Variants in IL1F10 observed in about 807,000 individuals in gnomAD.
IL1F10 encodes interleukin 1 family member 10.
IL1F10 carries 13 observed loss-of-function variants against 13.1 expected under a neutral mutation model. The ratio of observed to expected loss-of-function variants is 0.99; its 90% CI spans 0.64 to 1.57. The LOEUF is 1.57. Among genes scored for constraint, IL1F10 ranks in the 40% most tolerant of loss-of-function variants. IL1F10 has a pLI of 0.00. For synonymous variants in IL1F10, 78 were observed against 68.2 expected, an observed-to-expected ratio of 1.14 and a Z score of -0.71; for missense variants, 191 against 184.1, an observed-to-expected ratio of 1.04 and a Z score of -0.22.
chr2:113,074,863 T>C lies in IL1F10; in HGVS notation c.246+13T>C. 1 of 1,610,688 alleles carries C rather than the reference T, an allele frequency of 6.2e-7. No homozygotes were observed. Among genetic ancestry groups the C allele is most frequent in the East Asian group, 2.2e-5 (1 of 44,860 alleles). ...CCTACAGCTGGAGGTGAGAGGCCTC[T>C]CCCCATTCTAGGGGACACTGCAGAC... On this transcript the variant is annotated intron_variant, in intron 4 of 4. Transcript: ENST00000341010.
At chr2:113,068,737 T>G (rs1203731048) in intron 1 of IL1F10, among the ~76,000 whole-genome samples, 1 of 152,192 alleles carries the variant, frequency 6.6e-6, no homozygotes, top group Non-Finnish European at 1.5e-5. Context: ...CCATGCTTCA[T>G]GACTTCAAGA....
At chr2:113,071,010 A>G (rs747656687) in intron 1 of IL1F10, among the ~76,000 whole-genome samples, 3 of 152,214 alleles carry the variant, frequency 2.0e-5, no homozygotes, top group Non-Finnish European at 2.9e-5. Flanking sequence ...TGAACACTTC[A>G]TTTAAAAAAT....
intron 1 of IL1F10, among the ~76,000 whole-genome samples, chr2:113,070,757 C>A (rs541170397): frequency 1.3e-5 from 2 of 152,290 alleles, no homozygotes; most frequent in Non-Finnish European, 2.9e-5. Context: ...CAGTCTCAGG[C>A]CCCACCCCAG....
chr2:113,068,601 A>G (rs1043430574), intron 1 of IL1F10, among the ~76,000 whole-genome samples: 7 of 152,212 alleles, frequency 4.6e-5, no homozygotes, highest in African/African-American at 1.2e-4. Context: ...ATAAATTGGT[A>G]GCAGAGCTAG....
At chr2:113,072,534 A>G in intron 1 of IL1F10, 177 bp from the exon 2 acceptor site, 2 of 545,366 alleles carry the variant, frequency 3.7e-6, no homozygotes, top group Non-Finnish European at 6.5e-6. Flanking sequence ...GGAGAGGCAG[A>G]GCTGCCTGGA....
intron 1 of IL1F10, among the ~76,000 whole-genome samples, chr2:113,070,940 A>T (rs1685824565): frequency 6.6e-6 from 1 of 152,244 alleles, no homozygotes; most frequent in Non-Finnish European, 1.5e-5. Flanking sequence ...AATAGTAATT[A>T]TACAGAGTCC....
Position 113,075,724 on chromosome 2 carries a change from T to G in IL1F10, c.*360T>G, listed in dbSNP as rs1376387320. 6.1e-6 allele frequency: 1 copy of G among 163,660 alleles called. No individual in the cohort carries two copies. The highest frequency in any genetic ancestry group is 1.3e-5 in the Non-Finnish European group (1 of 76,042). The allele number at this position is 163,660 out of a possible 1,614,324, so 10.1% of individuals were successfully genotyped here. A position where few individuals can be genotyped will look rare whatever the true frequency, so the allele number is the denominator to read the frequency against. ...AAGGTGGAAAAGCCAAGGGAACGGA[T>G]TCTCCTCTAGAGTCTCCGGAAGGAA... On this transcript the variant is annotated 3_prime_UTR_variant, in exon 5 of 5. Transcript: ENST00000341010.
chr2:113,074,340 C>G lies in IL1F10; in HGVS notation c.44C>G (p.Ala15Gly), dbSNP rs1260653491. 3 of 1,610,550 alleles carry G rather than the reference C, an allele frequency of 1.9e-6. No homozygotes were observed. The highest frequency in any genetic ancestry group is 1.7e-6 in the Non-Finnish European group (2 of 1,176,936). The change falls in exon 3 of 5, where the codon GCA becomes GGA. Residue 15 changes from alanine to glycine, a missense_variant. Coordinates refer to ENST00000341010, the MANE Select transcript of IL1F10 (RefSeq NM_173161.3). The stretch of plus-strand genomic sequence containing the variant: ...TCATACTGTTTCAGAATTAAATATG[C>G]AGACCAGAAGGCTCTATACACAAGA... ...PMARYYIIKY[A>G]DQKALYTRDG...
chr2:113,074,510 CCAGTGA>C, intron 3 of IL1F10, 96 bp downstream of exon 3: 1 of 1,138,940 alleles, frequency 8.8e-7, no homozygotes, highest in Non-Finnish European at 1.3e-6. Context: ...GCAGCTGCCC[CCAGTGA>C]CAGTGAGAAG....
Position 113,075,361 on chromosome 2 carries a change from G to A in IL1F10, c.456G>A (p.Trp152Ter). 1 of 1,559,892 alleles carries A rather than the reference G, an allele frequency of 6.4e-7. No individual in the cohort carries two copies. The highest frequency in any genetic ancestry group is 8.7e-7 in the Non-Finnish European group (1 of 1,147,744). Residue 152 changes from tryptophan to a stop codon, truncating the protein, a stop_gained, in exon 5 of 5, where the codon TGG becomes TGA. Coordinates refer to ENST00000341010, the MANE Select transcript of IL1F10 (RefSeq NM_173161.3). LOFTEE classifies it high-confidence loss of function. Reference sequence around the variant, plus strand: ...CCAAGTTTTACTTTGAACAGAGCTGGTAGGGAGACAGGAAACTGCGTTTTA... The same window carrying A: ...CCAAGTTTTACTTTGAACAGAGCTGATAGGGAGACAGGAAACTGCGTTTTA... ...ARTKFYFEQS[W>*] is the part of the protein sequence containing the mutation.
At chr2:113,070,906 T>A (rs1344298374) in intron 1 of IL1F10, among the ~76,000 whole-genome samples, 2 of 152,198 alleles carry the variant, frequency 1.3e-5, no homozygotes, top group African/African-American at 4.8e-5. Flanking sequence ...CAAGTCCTAC[T>A]GAATTAGAAC....
At chr2:113,075,064 G>A in intron 4 of IL1F10, 88 bp from the exon 5 acceptor site, 1 of 1,332,196 alleles carries the variant, frequency 7.5e-7, no homozygotes, top group Non-Finnish European at 1.0e-6. Flanking sequence ...GCCCTGTCAG[G>A]TCCTTTTTTG....
Position 113,075,143 on chromosome 2 carries a change from C to T in IL1F10, c.247-9C>T. On this transcript the variant is annotated splice_polypyrimidine_tract_variant and intron_variant, in intron 4 of 4. Coordinates refer to ENST00000341010, the MANE Select transcript of IL1F10 (RefSeq NM_173161.3). ...TCTCATTCTGCAGCCATCCACCTTG[C>T]CCCCACAGGATGTGAACATTGAGGA... The T allele has an allele frequency of 6.3e-7, 1 of 1,591,674 alleles. No homozygotes were observed. The highest frequency in any genetic ancestry group is 8.6e-7 in the Non-Finnish European group (1 of 1,166,250).
At chr2:113,068,304 C>G (rs1348618667) in intron 1 of IL1F10, among the ~76,000 whole-genome samples, 1 of 151,590 alleles carries the variant, frequency 6.6e-6, no homozygotes, top group Non-Finnish European at 1.5e-5. Flanking sequence ...GGTATTCAAA[C>G]CGTGTTTGGT....
chr2:113,072,887 A>T, intron 2 of IL1F10, 117 bp downstream of exon 2: 1 of 835,092 alleles, frequency 1.2e-6, no homozygotes, highest in Non-Finnish European at 2.0e-6. Flanking sequence ...CAAGTGCCCC[A>T]TAATTAAGCT....
chr2:113,075,731 C>T lies in IL1F10; in HGVS notation c.*367C>T, dbSNP rs1685932623. On this transcript the variant is annotated 3_prime_UTR_variant, in exon 5 of 5. Transcript: ENST00000341010. ...AAAAGCCAAGGGAACGGATTCTCCT[C>T]TAGAGTCTCCGGAAGGAACACAGCT... 1 of 160,610 alleles carries T rather than the reference C, an allele frequency of 6.2e-6. No homozygotes were observed. Among genetic ancestry groups the T allele is most frequent in the Non-Finnish European group, 1.4e-5 (1 of 73,934 alleles). The allele number at this position is 160,610 out of a possible 1,614,324, so 9.9% of individuals were successfully genotyped here.
At chr2:113,074,250 C>A in intron 2 of IL1F10, 79 bp from the exon 3 acceptor site, 1 of 884,180 alleles carries the variant, frequency 1.1e-6, no homozygotes. Context: ...GGTGGTGATT[C>A]AGAGCATGGA....
intron 1 of IL1F10, among the ~76,000 whole-genome samples, chr2:113,070,352 C>T (rs1356382945): frequency 6.6e-6 from 1 of 152,178 alleles, no homozygotes; most frequent in African/African-American, 2.4e-5. Flanking sequence ...TTGGGAAAGA[C>T]ACTGTACATT....
At chr2:113,069,933 T>C (rs1685801202) in intron 1 of IL1F10, among the ~76,000 whole-genome samples, 1 of 152,146 alleles carries the variant, frequency 6.6e-6, no homozygotes, top group Non-Finnish European at 1.5e-5. Flanking sequence ...GAAGTTAATA[T>C]TGGTCTTGGA....
Sources: allele counts gnomAD v4.1 joint callset (sites outside exome capture counted in the v4.1 genomes callset), GRCh38; gene constraint gnomAD v4.1.1; transcripts MANE v1.5; gene names NCBI Gene and HGNC (gene_info 2026-07-23, HGNC 2026-07-21).